COLEC12: variants seen among roughly 807,000 people sequenced by gnomAD.
COLEC12 encodes the protein collectin-12.
A neutral mutation model predicts 71.1 loss-of-function variants in COLEC12; 33 were observed. The observed-to-expected ratio is 0.46, with a 90% CI of 0.35 to 0.62. The LOEUF is 0.62. Among genes scored for constraint, COLEC12 ranks in the 20% least tolerant of loss-of-function variants. The pLI is 0.00. For missense variants in COLEC12, 765 were observed against 916.1 expected (o/e 0.84, Z 2.13); for synonymous variants, 350 against 353.0 (o/e 0.99, Z 0.10).
chr18:497,403 TGTGTGTGTGTGTG>T, intron 1 of COLEC12, among the ~76,000 whole-genome samples: 2 of 151,864 alleles, frequency 1.3e-5, no homozygotes, highest in Non-Finnish European at 2.9e-5. Context: ...TGTGTGTGTG[TGTGTGTGTGTGTG>T]TGTGTTTGAG....
intron 2 of COLEC12, among the ~76,000 whole-genome samples, chr18:469,313 C>T (rs569946394): frequency 6.6e-6 from 1 of 152,346 alleles, no homozygotes; most frequent in East Asian, 1.9e-4. Context: ...GGAAATTCTG[C>T]GGGTGAGAGA....
chr18:381,704 A>G (rs11663304), intron 2 of COLEC12, among the ~76,000 whole-genome samples: 28,248 of 152,196 alleles, frequency 0.19, 2,980 homozygotes, highest in South Asian at 0.28. Flanking sequence ...ATTACTTGTC[A>G]TGAAGGAAAA....
chr18:380,371 C>T (rs1915203899), intron 2 of COLEC12, among the ~76,000 whole-genome samples: 1 of 152,160 alleles, frequency 6.6e-6, no homozygotes, highest in Admixed American at 6.5e-5. Flanking sequence ...CATCTCAAAA[C>T]TCACACTCCT....
intron 2 of COLEC12, among the ~76,000 whole-genome samples, chr18:413,339 G>A (rs1915927937): frequency 6.6e-6 from 1 of 152,160 alleles, no homozygotes. Flanking sequence ...ATAAAAAACG[G>A]TGACCCCACA....
intron 3 of COLEC12, among the ~76,000 whole-genome samples, chr18:349,447 C>T (rs149097710): frequency 2.6e-3 from 398 of 152,254 alleles, no homozygotes; most frequent in South Asian, 4.4e-3. Context: ...GTTTGCTGCA[C>T]GGGTGGGATG....
At chr18:417,407 C>CTGCAA (rs1916008330) in intron 2 of COLEC12, among the ~76,000 whole-genome samples, 1 of 152,208 alleles carries the variant, frequency 6.6e-6, no homozygotes, top group Non-Finnish European at 1.5e-5. Context: ...TTGACCAAAA[C>CTGCAA]ATCATTATGC....
At chr18:332,891 A>G (rs950923479) in intron 7 of COLEC12, 116 bp downstream of exon 7, 1 of 917,590 alleles carries the variant, frequency 1.1e-6, no homozygotes, top group Middle Eastern at 3.5e-4. Context: ...GTTGCCTCCC[A>G]TGTTTACGTG....
At chr18:336,828 A>ATC (rs765039672) in intron 5 of COLEC12, among the ~76,000 whole-genome samples, 2 of 151,858 alleles carry the variant, frequency 1.3e-5, no homozygotes, top group Non-Finnish European at 2.9e-5. Flanking sequence ...GCCACACTTA[A>ATC]TCTCTCTCTC....
chr18:347,001 G>A lies in COLEC12; in HGVS notation c.621C>T (p.Asn207=), dbSNP rs1914393763. ...GCTGCACCTGGGTCAGGTTCAGGTT[G>A]TTGAGGTTCATGATGACCACATTAT... ...YSHNVVIMNL[N]NLNLTQVQQR... is the part of the protein sequence containing the mutation. Residue 207 remains asparagine (N), a synonymous_variant, in exon 5 of 10, where the codon AAC becomes AAT. Coordinates refer to ENST00000400256, the MANE Select transcript of COLEC12 (RefSeq NM_130386.3). The A allele has an allele frequency of 1.1e-5, 17 of 1,614,118 alleles. No individual in the cohort carries two copies. In the East Asian group the frequency reaches 3.6e-4, roughly 34 times the overall value.
chr18:369,447 A>ATG (rs1196417809), intron 2 of COLEC12, among the ~76,000 whole-genome samples: 1 of 74,190 alleles, frequency 1.3e-5, no homozygotes, highest in Non-Finnish European at 2.8e-5. Flanking sequence ...TTTTGGAATA[A>ATG]TGTTTTTTTT....
At chr18:331,836 T>C in intron 7 of COLEC12, 59 bp from the exon 8 acceptor site, 1 of 975,970 alleles carries the variant, frequency 1.0e-6, no homozygotes, top group Non-Finnish European at 1.6e-6. Flanking sequence ...TCTCAGGCCT[T>C]TTTCTTTTAT....
At chr18:416,327 G>A (rs532790747) in intron 2 of COLEC12, among the ~76,000 whole-genome samples, 4 of 152,308 alleles carry the variant, frequency 2.6e-5, no homozygotes, top group African/African-American at 9.6e-5. Context: ...GGAGGTGACT[G>A]AAACACTCAA....
In COLEC12 at chr18:317,957, A is replaced by C. The variant is rs1352337869; in HGVS notation, c.*2088T>G. On this transcript the variant is annotated 3_prime_UTR_variant, in exon 10 of 10. Transcript: ENST00000400256. The stretch of plus-strand genomic sequence containing the variant: ...CAGTCCACTTGTTCGCAGGTGGGAA[A>C]GTCAAACTCTGTCTTTATTCTTTTT... 2.7e-5 allele frequency: 4 copies of C among 150,032 alleles called. No individual in the cohort carries two copies. Among genetic ancestry groups the C allele is most frequent in the African/African-American group, 7.3e-5 (3 of 40,980 alleles). The allele number at this position is 150,032 out of a possible 1,614,324, so 9.3% of individuals were successfully genotyped here. A position where few individuals can be genotyped will look rare whatever the true frequency, so the allele number is the denominator to read the frequency against.
intron 2 of COLEC12, among the ~76,000 whole-genome samples, chr18:370,342 T>G (rs573515154): frequency 1.1e-4 from 16 of 152,192 alleles, no homozygotes; most frequent in Non-Finnish European, 2.4e-4. Context: ...AAGAAACGAA[T>G]TTTATTTCCC....
chr18:334,986 C>G lies in COLEC12; in HGVS notation c.1572G>C (p.Gly524=). 6.4e-7 allele frequency: 1 copy of G among 1,561,582 alleles called. No individual in the cohort carries two copies. Among genetic ancestry groups the G allele is most frequent in the Non-Finnish European group, 8.6e-7 (1 of 1,158,262 alleles). The change falls in exon 6 of 10, where the codon GGG becomes GGC. Residue 524 remains glycine (G), a synonymous_variant. Coordinates refer to ENST00000400256, the MANE Select transcript of COLEC12 (RefSeq NM_130386.3). ...CTGGTGGGCCCGGGGGGCCTGGGTC[C>G]CCACTGGAGCCCTGAGGGCCGGGCT... The part of the protein sequence containing the change: ...PGKPGPQGSS[G]DPGPPGPPGK...
chr18:445,285 C>G (rs138700285), intron 2 of COLEC12, among the ~76,000 whole-genome samples: 3 of 152,314 alleles, frequency 2.0e-5, no homozygotes, highest in Non-Finnish European at 4.4e-5. Flanking sequence ...TTATCCATCT[C>G]TCCTAGGTTA....
chr18:379,226 G>C (rs1302333780), intron 2 of COLEC12, among the ~76,000 whole-genome samples: 1 of 151,918 alleles, frequency 6.6e-6, no homozygotes, highest in Non-Finnish European at 1.5e-5. Flanking sequence ...AGGCTCAAGT[G>C]GTCCTCCCAC....
chr18:452,858 C>T (rs1001080842), intron 2 of COLEC12, among the ~76,000 whole-genome samples: 1 of 152,206 alleles, frequency 6.6e-6, no homozygotes, highest in Non-Finnish European at 1.5e-5. Flanking sequence ...AAGTGGAGCA[C>T]AGGGCAGCTA....
intron 5 of COLEC12, among the ~76,000 whole-genome samples, chr18:342,038 A>G (rs1354663272): frequency 6.6e-6 from 1 of 152,220 alleles, no homozygotes; most frequent in Non-Finnish European, 1.5e-5. Flanking sequence ...TATGATTTTT[A>G]TCAAAAAATA....
Sources: allele counts gnomAD v4.1 joint callset (sites outside exome capture counted in the v4.1 genomes callset), GRCh38; gene constraint gnomAD v4.1.1; transcripts MANE v1.5; gene names NCBI Gene and HGNC (gene_info 2026-07-23, HGNC 2026-07-21).